CPA6: variants seen among roughly 807,000 people sequenced by gnomAD.
CPA6 encodes carboxypeptidase B.
CPA6 carries 58 observed loss-of-function variants against 63.3 expected under a neutral mutation model. The observed-to-expected ratio is 0.92, with a 90% CI of 0.74 to 1.14. The LOEUF (loss-of-function observed/expected upper bound fraction) is 1.14, where lower values mean the gene tolerates loss of function less well. CPA6 is among the 50% of genes most tolerant of loss of function. The probability of loss-of-function intolerance (pLI) is 0.00; values close to 1 mark genes in which losing one functional copy is unlikely to be tolerated. For missense variants in CPA6, 565 were observed against 526.6 expected, an observed-to-expected ratio of 1.07 and a Z score of -0.71; for synonymous variants, 185 against 179.0, an observed-to-expected ratio of 1.03 and a Z score of -0.27.
intron 2 of CPA6, among the ~76,000 whole-genome samples, chr8:67,598,551 C>T (rs1349781818): frequency 6.6e-6 from 1 of 151,996 alleles, no homozygotes; most frequent in Non-Finnish European, 1.5e-5. Context: ...AATTTAAGGG[C>T]AACAAAATTT....
At chr8:67,703,537 C>A (rs1817069480) in intron 1 of CPA6, among the ~76,000 whole-genome samples, 3 of 152,236 alleles carry the variant, frequency 2.0e-5, no homozygotes, top group Admixed American at 2.0e-4. Context: ...GCCTTGGGGG[C>A]AAGTCTGCTT....
intron 4 of CPA6, among the ~76,000 whole-genome samples, chr8:67,510,189 T>C (rs1812014572): frequency 6.6e-6 from 1 of 152,192 alleles, no homozygotes; most frequent in African/African-American, 2.4e-5. Flanking sequence ...GATCCATTCA[T>C]ATACACTTAT....
intron 8 of CPA6, among the ~76,000 whole-genome samples, chr8:67,462,225 G>GAA (rs59674877): frequency 6.6e-6 from 1 of 151,374 alleles, no homozygotes; most frequent in Admixed American, 6.6e-5. Flanking sequence ...ATCCATCTGT[G>GAA]AAAAAAAATC....
At chr8:67,718,660 T>TA (rs1204113758) in intron 1 of CPA6, among the ~76,000 whole-genome samples, 63 of 152,014 alleles carry the variant, frequency 4.1e-4, no homozygotes, top group African/African-American at 1.4e-3. Flanking sequence ...TTTTTTTTTT[T>TA]TTTTTGAGAT....
intron 1 of CPA6, among the ~76,000 whole-genome samples, chr8:67,734,380 C>T (rs1317686755): frequency 4.6e-5 from 7 of 150,756 alleles, no homozygotes; most frequent in Non-Finnish European, 1.0e-4. Context: ...TTATTTTAGG[C>T]AGAGAAAAAC....
chr8:67,509,929 T>A (rs1812009671), intron 4 of CPA6, among the ~76,000 whole-genome samples: 1 of 152,190 alleles, frequency 6.6e-6, no homozygotes, highest in South Asian at 2.1e-4. Context: ...GTGTTCTAGT[T>A]TTTTTGAAAA....
intron 6 of CPA6, among the ~76,000 whole-genome samples, chr8:67,492,949 G>A (rs1190657065): frequency 6.6e-6 from 1 of 152,136 alleles, no homozygotes; most frequent in African/African-American, 2.4e-5. Context: ...GAGCATGGGA[G>A]AACATAGGGA....
intron 2 of CPA6, among the ~76,000 whole-genome samples, chr8:67,612,696 G>T (rs1277494025): frequency 6.6e-6 from 1 of 152,166 alleles, no homozygotes; most frequent in Admixed American, 6.6e-5. Flanking sequence ...AAACAAAATG[G>T]TAGAAAACAG....
intron 1 of CPA6, among the ~76,000 whole-genome samples, chr8:67,681,543 A>G (rs1816598937): frequency 6.6e-6 from 1 of 152,174 alleles, no homozygotes; most frequent in East Asian, 1.9e-4. Flanking sequence ...GAAGACCTAT[A>G]GTTTTAAGTT....
chr8:67,715,446 G>GT (rs1161050342), intron 1 of CPA6, among the ~76,000 whole-genome samples: 4 of 152,356 alleles, frequency 2.6e-5, no homozygotes, highest in Admixed American at 1.3e-4. Flanking sequence ...AAGATTGGCA[G>GT]TTTTTTAACA....
At chr8:67,680,514 CATG>C (rs1816569699) in intron 1 of CPA6, among the ~76,000 whole-genome samples, 1 of 151,232 alleles carries the variant, frequency 6.6e-6, no homozygotes, top group Non-Finnish European at 1.5e-5. Context: ...AAGCTTTTCT[CATG>C]ATTACACATG....
intron 8 of CPA6, among the ~76,000 whole-genome samples, chr8:67,435,450 C>G (rs1410781557): frequency 6.6e-6 from 1 of 152,128 alleles, no homozygotes; most frequent in African/African-American, 2.4e-5. Context: ...AGGAGAGCAT[C>G]ACACTCAGCC....
chr8:67,687,338 C>A (rs1453603354), intron 1 of CPA6, among the ~76,000 whole-genome samples: 2 of 152,088 alleles, frequency 1.3e-5, no homozygotes, highest in East Asian at 1.9e-4. Context: ...TAAGATATGA[C>A]CCAGGACTGT....
intron 8 of CPA6, among the ~76,000 whole-genome samples, chr8:67,436,367 TG>T (rs1224153146): frequency 2.0e-5 from 3 of 148,256 alleles, no homozygotes; most frequent in Non-Finnish European, 4.4e-5. Flanking sequence ...TGTTTCTGTT[TG>T]GGTTTTTGTT....
chr8:67,726,677 T>A (rs1323784725), intron 1 of CPA6, among the ~76,000 whole-genome samples: 1 of 152,224 alleles, frequency 6.6e-6, no homozygotes. Context: ...ACTGAAGAAT[T>A]TCTATTTGAA....
Position 67,484,678 on chromosome 8 carries a change from C to A in CPA6, c.747+1G>T, listed in dbSNP as rs1386240637. ...TCAACTGGGTAGGCAAAGTGACTTA[C>A]ATTGGTCCAACTAAAATGGTATCCA... On this transcript the variant is annotated splice_donor_variant, in intron 7 of 10. Coordinates refer to ENST00000297770, the MANE Select transcript of CPA6 (RefSeq NM_020361.5). LOFTEE classifies it high-confidence loss of function. 19 of 1,502,278 alleles carry A rather than the reference C, an allele frequency of 1.3e-5. No individual in the cohort carries two copies. The highest frequency in any genetic ancestry group is 1.8e-5 in the Non-Finnish European group (19 of 1,080,106). The allele number at this position is 1,502,278 out of a possible 1,614,324, so 93.1% of individuals were successfully genotyped here.
At chr8:67,704,648 A>C (rs984997666) in intron 1 of CPA6, among the ~76,000 whole-genome samples, 5 of 152,298 alleles carry the variant, frequency 3.3e-5, no homozygotes, top group African/African-American at 1.2e-4. Context: ...GCTTCTGTTC[A>C]TTCCAGTATC....
At chr8:67,690,126 G>C (rs751189859) in intron 1 of CPA6, among the ~76,000 whole-genome samples, 11 of 152,012 alleles carry the variant, frequency 7.2e-5, no homozygotes, top group Admixed American at 2.0e-4. Flanking sequence ...AGGGTTATTT[G>C]TTTTTCTGAA....
intron 2 of CPA6, among the ~76,000 whole-genome samples, chr8:67,545,576 T>TG (rs1262588685): frequency 2.4e-5 from 3 of 124,680 alleles, no homozygotes. Flanking sequence ...TTTTTTTTTT[T>TG]TTTTTTTTGA....
Sources: allele counts gnomAD v4.1 joint callset (sites outside exome capture counted in the v4.1 genomes callset), GRCh38; gene constraint gnomAD v4.1.1; transcripts MANE v1.5; gene names NCBI Gene and HGNC (gene_info 2026-07-23, HGNC 2026-07-21).